EYS: variants seen among roughly 807,000 people sequenced by gnomAD.
EYS encodes the protein protein eyes shut homolog.
Under a neutral mutation model 282.1 loss-of-function variants are expected in EYS, and 250 were observed. The observed-to-expected ratio is 0.89, with a 90% CI of 0.80 to 0.98. The LOEUF is 0.98. Among genes scored for constraint, EYS ranks in the 50% least tolerant of loss-of-function variants. The pLI, the probability that EYS is intolerant of heterozygous loss-of-function variation, is 0.00. For missense variants in EYS, 4,016 were observed against 3,709.0 expected (o/e 1.08, Z -2.15); for synonymous variants, 1,355 against 1,282.9 (o/e 1.06, Z -1.20).
chr6:65,300,867 T>G (rs1391094951), intron 11 of EYS: 2 of 152,200 alleles, frequency 1.3e-5, no homozygotes, highest in African/African-American at 4.8e-5. Context: ...GGAGTAGATT[T>G]TTACTTAATT....
intron 5 of EYS, among the ~76,000 whole-genome samples, chr6:65,449,413 T>C (rs1375328754): frequency 6.6e-6 from 1 of 152,150 alleles, no homozygotes; most frequent in Non-Finnish European, 1.5e-5. Context: ...CTGCAATTTT[T>C]ATAATTAAAA....
At chr6:63,800,546 A>C (rs1770758071) in intron 37 of EYS, among the ~76,000 whole-genome samples, 1 of 152,226 alleles carries the variant, frequency 6.6e-6, no homozygotes. Flanking sequence ...TCACGCCTGT[A>C]ATCCCAGCAC....
chr6:64,303,670 G>A (rs188751542), intron 30 of EYS, among the ~76,000 whole-genome samples: 5,486 of 151,286 alleles, frequency 0.036, 240 homozygotes, highest in African/African-American at 0.1. Context: ...GTGAAACCCC[G>A]TCTCTACTAA....
intron 23 of EYS, among the ~76,000 whole-genome samples, chr6:64,621,961 T>C (rs1556627): frequency 0.11 from 16,370 of 152,194 alleles, 1,063 homozygotes; most frequent in East Asian, 0.16. Flanking sequence ...TACATGGTAC[T>C]ATTTCGGCTA....
rs765266394 is a variant in EYS, at chr6:64,500,239, A to G, written c.5645-60887T>C. Among the ~76,000 whole-genome samples, 10 of 152,238 alleles carry G rather than the reference A, an allele frequency of 6.6e-5. 1 individual carries two copies. The highest frequency in any genetic ancestry group is 5.8e-4 in the East Asian group (3 of 5,184). On this transcript the variant is annotated intron_variant, in intron 26 of 42. Transcript: ENST00000503581. Reference sequence around the variant, plus strand: ...TTAGTATTTAACAGCTCAAAATACCACAAGGTAAATGGAATAGACATCCAT... The same window carrying G: ...TTAGTATTTAACAGCTCAAAATACCGCAAGGTAAATGGAATAGACATCCAT...
intron 29 of EYS, among the ~76,000 whole-genome samples, chr6:64,383,339 A>G (rs959412731): frequency 6.6e-6 from 1 of 152,124 alleles, no homozygotes; most frequent in African/African-American, 2.4e-5. Flanking sequence ...GTGGGTCCTC[A>G]TGTAGGAATA....
chr6:65,157,212 A>G (rs1052427050), intron 12 of EYS, among the ~76,000 whole-genome samples: 4 of 149,900 alleles, frequency 2.7e-5, no homozygotes, highest in African/African-American at 9.7e-5. Flanking sequence ...CTCAACTAAT[A>G]GGCCTCTGTG....
intron 19 of EYS, among the ~76,000 whole-genome samples, chr6:64,872,666 G>A (rs1384630831): frequency 6.6e-6 from 1 of 151,972 alleles, no homozygotes; most frequent in Non-Finnish European, 1.5e-5. Context: ...CCACTTTAAA[G>A]CCTCAGTTGA....
At chr6:64,137,751 A>G (rs546265614) in intron 31 of EYS, among the ~76,000 whole-genome samples, 10 of 152,262 alleles carry the variant, frequency 6.6e-5, no homozygotes, top group Admixed American at 2.0e-4. Context: ...GACAGTAGTA[A>G]TATCAAAGGT....
chr6:64,876,755 G>A (rs189411285), intron 19 of EYS, among the ~76,000 whole-genome samples: 13 of 152,204 alleles, frequency 8.5e-5, no homozygotes, highest in Admixed American at 3.3e-4. Flanking sequence ...AGAAAAGCAT[G>A]CTATCAGAGG....
intron 2 of EYS, among the ~76,000 whole-genome samples, chr6:65,595,592 G>A (rs184827526): frequency 2.9e-4 from 44 of 151,560 alleles, no homozygotes; most frequent in African/African-American, 1.0e-3. Flanking sequence ...AATCTAAGGA[G>A]TTAATGCATG....
intron 30 of EYS, among the ~76,000 whole-genome samples, chr6:64,303,930 T>C (rs1486974536): frequency 6.7e-6 from 1 of 149,548 alleles, no homozygotes; most frequent in African/African-American, 2.5e-5. Context: ...TTAAAGTACA[T>C]ACAAAGGAAT....
At chr6:64,799,525 T>A (rs1774469993) in intron 22 of EYS, among the ~76,000 whole-genome samples, 1 of 151,792 alleles carries the variant, frequency 6.6e-6, no homozygotes, top group Non-Finnish European at 1.5e-5. Context: ...CTTTAGCATA[T>A]GTTAGGTTGA....
intron 34 of EYS, among the ~76,000 whole-genome samples, chr6:63,993,037 C>A (rs754374578): frequency 4.0e-5 from 6 of 151,578 alleles, no homozygotes; most frequent in Non-Finnish European, 8.9e-5. Context: ...TACAAGGCCG[C>A]AGGAAGGAGA....
intron 22 of EYS, among the ~76,000 whole-genome samples, chr6:64,660,572 T>C (rs4355591): frequency 0.95 from 144,924 of 152,268 alleles, 69,367 homozygotes; most frequent in East Asian, 1. Context: ...CAAAAATCAC[T>C]AGCATTCTAA....
chr6:64,311,634 C>T (rs374874117), intron 29 of EYS, among the ~76,000 whole-genome samples: 165 of 152,240 alleles, frequency 1.1e-3, no homozygotes, highest in Non-Finnish European at 1.8e-3. Context: ...TCAAGATCAA[C>T]GCAGAAGGCA....
At chr6:63,973,717 G>T (rs997039023) in intron 35 of EYS, among the ~76,000 whole-genome samples, 1 of 152,136 alleles carries the variant, frequency 6.6e-6, no homozygotes, top group African/African-American at 2.4e-5. Flanking sequence ...AGTGGTGGTA[G>T]TATCTGGACG....
At position 63,720,617 on chromosome 6, in the gene EYS, A is replaced by G; in HGVS notation, c.9414T>C (p.Asp3138=). The part of the protein sequence containing the change: ...KLEGYNVYDG[D]EQNEVT The stretch of plus-strand genomic sequence containing the variant: ...TAACTTATGTAACCTCATTTTGTTC[A>G]TCTCCATCATAAACATTGTATCCTT... Residue 3138 remains aspartate (D), a synonymous_variant, in exon 43 of 43, where the codon GAT becomes GAC. Coordinates refer to ENST00000503581, the MANE Select transcript of EYS (RefSeq NM_001142800.2). 1 of 1,493,528 alleles carries G rather than the reference A, an allele frequency of 6.7e-7. No individual in the cohort carries two copies. The highest frequency in any genetic ancestry group is 8.9e-7 in the Non-Finnish European group (1 of 1,119,690). The allele number at this position is 1,493,528 out of a possible 1,614,324, so 92.5% of individuals were successfully genotyped here. A position where few individuals can be genotyped will look rare whatever the true frequency, so the allele number is the denominator to read the frequency against.
At chr6:64,610,531 G>A (rs1317350554) in intron 24 of EYS, among the ~76,000 whole-genome samples, 1 of 150,842 alleles carries the variant, frequency 6.6e-6, no homozygotes, top group African/African-American at 2.4e-5. Flanking sequence ...GGCCTCTCCA[G>A]TAGTTGGGAT....
Sources: allele counts gnomAD v4.1 joint callset (sites outside exome capture counted in the v4.1 genomes callset), GRCh38; gene constraint gnomAD v4.1.1; transcripts MANE v1.5; gene names NCBI Gene and HGNC (gene_info 2026-07-23, HGNC 2026-07-21).